Variants in SLC22A13 observed in about 807,000 individuals in gnomAD.
The protein encoded by SLC22A13 is solute carrier family 22 member 13.
SLC22A13 carries 42 observed loss-of-function variants against 49.1 expected under a neutral mutation model. The ratio of observed to expected loss-of-function variants is 0.85; its 90% CI spans 0.67 to 1.11. The LOEUF (loss-of-function observed/expected upper bound fraction) is 1.11, where lower values mean the gene tolerates loss of function less well. Among genes scored for constraint, SLC22A13 ranks in the 50% least tolerant of loss-of-function variants. SLC22A13 has a pLI of 0.00. For synonymous variants in SLC22A13, 282 were observed against 293.1 expected (o/e 0.96, Z 0.39); for missense variants, 694 against 712.8 (o/e 0.97, Z 0.30).
intron 3 of SLC22A13, 96 bp from the exon 4 acceptor site, chr3:38,274,878 CTGGTGCTTCCTGTGT>C (rs1215121903): frequency 5.8e-6 from 9 of 1,547,734 alleles, no homozygotes; most frequent in Non-Finnish European, 7.9e-6. Flanking sequence ...AGTGGTCGCA[CTGGTGCTTCCTGTGT>C]TGGCACTGAG....
At position 38,275,134 on chromosome 3, in the gene SLC22A13, C is replaced by A. The variant is rs1197668641; in HGVS notation, c.783C>A (p.Gly261=). 1.2e-6 allele frequency: 2 copies of A among 1,614,090 alleles called. No individual in the cohort carries two copies. Among genetic ancestry groups the A allele is most frequent in the African/African-American group, 2.7e-5 (2 of 74,940 alleles). ...TTCAGATCACCGGCACTGCGCCTGG[C>A]TTACTGCTCTTCTTCTACTTCTGGT... ...RLLQITGTAP[G]LLLFFYFWAL... Residue 261 remains glycine (G), a synonymous_variant, in exon 4 of 10, where the codon GGC becomes GGA. Coordinates refer to ENST00000311856, the MANE Select transcript of SLC22A13 (RefSeq NM_004256.4).
intron 1 of SLC22A13, among the ~76,000 whole-genome samples, chr3:38,267,215 G>C (rs1703472051): frequency 6.6e-6 from 1 of 152,192 alleles, no homozygotes. Context: ...GTTAACCAAA[G>C]CTTAACTTTC....
chr3:38,272,767 A>G (rs1575390451), intron 1 of SLC22A13, among the ~76,000 whole-genome samples: 1 of 152,234 alleles, frequency 6.6e-6, no homozygotes. Context: ...TGGACTGGTT[A>G]ATTTCTTGCT....
Position 38,276,105 on chromosome 3 carries a change from G to A in SLC22A13, c.1237+9G>A, listed in dbSNP as rs1703580503. ...CATCTTCATCCCAGCAGGTATCAGG[G>A]CTGGCTATCCCTCACCCGCATGCCC... On this transcript the variant is annotated intron_variant, in intron 7 of 9. Coordinates refer to ENST00000311856, the MANE Select transcript of SLC22A13 (RefSeq NM_004256.4). 6.2e-7 allele frequency: 1 copy of A among 1,610,428 alleles called. No individual in the cohort carries two copies. The highest frequency in any genetic ancestry group is 8.5e-7 in the Non-Finnish European group (1 of 1,177,670).
chr3:38,274,802 C>T, intron 3 of SLC22A13, 44 bp downstream of exon 3: 1 of 1,583,666 alleles, frequency 6.3e-7, no homozygotes, highest in Admixed American at 1.8e-5. Flanking sequence ...GGGTGAGGCC[C>T]AGGGGCCTGG....
rs201339768 is a variant in SLC22A13 at position 38,275,878 on chromosome 3, G to T, written c.1023-4G>T. 3.1e-6 allele frequency: 5 copies of T among 1,613,534 alleles called. No homozygotes were observed. The highest frequency in any genetic ancestry group is 4.2e-6 in the Non-Finnish European group (5 of 1,179,588). On this transcript the variant is annotated splice_region_variant and splice_polypyrimidine_tract_variant and intron_variant, in intron 6 of 9. Coordinates refer to ENST00000311856, the MANE Select transcript of SLC22A13 (RefSeq NM_004256.4). ...AGTGACAGGAACCCTTCATTACCTTGTAGGTTTGTGGACAGTCTGGGGTAC... is the reference window on the plus strand; with the variant it reads ...AGTGACAGGAACCCTTCATTACCTTTTAGGTTTGTGGACAGTCTGGGGTAC...
chr3:38,270,419 A>G (rs949872672), intron 1 of SLC22A13: 6 of 216,438 alleles, frequency 2.8e-5, no homozygotes, highest in Non-Finnish European at 5.0e-5. Context: ...ATTCTCTGAG[A>G]TGAATTTGGG....
intron 1 of SLC22A13, among the ~76,000 whole-genome samples, chr3:38,269,922 G>A (rs972255848): frequency 3.1e-5 from 4 of 130,678 alleles, no homozygotes; most frequent in African/African-American, 1.2e-4. Context: ...CTGTGTCCAT[G>A]TGTTCTCATT....
Position 38,266,032 on chromosome 3 carries a change from C to G in SLC22A13, c.172C>G (p.His58Asp). The change falls in exon 1 of 10, where the codon CAC becomes GAC. Residue 58 changes from histidine (H) to aspartate (D), a missense_variant. Transcript: ENST00000311856. Reference protein sequence around the residue: ...HHCAVAWVKNHTFNLSAAEQL... With the variant: ...HHCAVAWVKNDTFNLSAAEQL... Reference sequence around the variant, plus strand: ...CTGTGCAGTGGCTTGGGTGAAGAACCACACTTTCAACCTGAGTGCTGCTGA... The same window carrying G: ...CTGTGCAGTGGCTTGGGTGAAGAACGACACTTTCAACCTGAGTGCTGCTGA... The G allele has an allele frequency of 6.2e-7, 1 of 1,614,164 alleles. No homozygotes were observed. Among genetic ancestry groups the G allele is most frequent in the Non-Finnish European group, 8.5e-7 (1 of 1,180,018 alleles).
At position 38,277,113 on chromosome 3, in the gene SLC22A13, G is replaced by T; in HGVS notation, c.1548G>T (p.Leu516=). The T allele has an allele frequency of 6.4e-7, 1 of 1,563,480 alleles. No individual in the cohort carries two copies. The change falls in exon 9 of 10, where the codon CTG becomes CTT. Residue 516 remains leucine (L), a synonymous_variant. Coordinates refer to ENST00000311856, the MANE Select transcript of SLC22A13 (RefSeq NM_004256.4). ...AAGACACCCTCCAGGACCTGGAGCT[G>T]GGGCCTCACCCACGGTGAGCTGCTT... The part of the protein sequence containing the change: ...GLKDTLQDLE[L]GPHPRSPKSV...
At chr3:38,274,517 C>T in intron 2 of SLC22A13, 87 bp from the exon 3 acceptor site, 1 of 1,515,678 alleles carries the variant, frequency 6.6e-7, no homozygotes. Flanking sequence ...GACAGAGACC[C>T]CAGGACAGGG....
intron 1 of SLC22A13, among the ~76,000 whole-genome samples, chr3:38,272,699 G>A (rs1703534658): frequency 6.6e-6 from 1 of 152,234 alleles, no homozygotes; most frequent in Non-Finnish European, 1.5e-5. Flanking sequence ...CATGTTGAAA[G>A]TTCTTGAAAA....
chr3:38,269,855 A>T (rs1459823012), intron 1 of SLC22A13, among the ~76,000 whole-genome samples: 2 of 140,544 alleles, frequency 1.4e-5, no homozygotes, highest in African/African-American at 2.6e-5. Context: ...TCCTACAGCT[A>T]TCCCCTCCCC....
At chr3:38,267,888 C>T (rs764403940) in intron 1 of SLC22A13, among the ~76,000 whole-genome samples, 13 of 152,032 alleles carry the variant, frequency 8.6e-5, no homozygotes, top group Non-Finnish European at 1.8e-4. Flanking sequence ...ATAAGAATAG[C>T]ACAGGAAAGG....
rs777713257 is a variant in SLC22A13, at chr3:38,276,267, G to A, written c.1238-20G>A. 1.6e-5 allele frequency: 25 copies of A among 1,598,082 alleles called. No homozygotes were observed. The highest frequency in any genetic ancestry group is 1.4e-5 in the Non-Finnish European group (16 of 1,168,912). ...ACCGGCGTCAGGGCCCAGGTGATGG[G>A]GCTGTCTACCCTCTGCCAGATCTGC... On this transcript the variant is annotated intron_variant, in intron 7 of 9. Coordinates refer to ENST00000311856, the MANE Select transcript of SLC22A13 (RefSeq NM_004256.4).
intron 1 of SLC22A13, among the ~76,000 whole-genome samples, chr3:38,268,369 A>G (rs1703484598): frequency 6.6e-6 from 1 of 152,188 alleles, no homozygotes; most frequent in South Asian, 2.1e-4. Flanking sequence ...GCAGACCTCC[A>G]TAACTTGAAA....
At chr3:38,276,142 G>A (rs777226518) in intron 7 of SLC22A13, 46 bp downstream of exon 7, 8 of 1,549,688 alleles carry the variant, frequency 5.2e-6, no homozygotes, top group Middle Eastern at 1.8e-4. Context: ...CTCACCCACC[G>A]GCTGCCAGGG....
chr3:38,276,990 G>A lies in SLC22A13; in HGVS notation c.1425G>A (p.Glu475=), dbSNP rs374399807. The change falls in exon 9 of 10, where the codon GAG becomes GAA. Residue 475 remains glutamate (E), a synonymous_variant. Transcript: ENST00000311856. ...CACCACTTGTGATCCTGCTGGGAGA[G>A]TACCACGCTGCCCTCCCCATGCTCA... The part of the protein sequence containing the change: ...ILTPLVILLG[E]YHAALPMLIY... 2.5e-6 allele frequency: 4 copies of A among 1,612,826 alleles called. No individual in the cohort carries two copies. In the East Asian group the frequency reaches 8.9e-5, roughly 36 times the overall value.
At position 38,276,153 on chromosome 3, in the gene SLC22A13, G is replaced by T; in HGVS notation, c.1237+57G>T. 2.6e-6 allele frequency: 4 copies of T among 1,540,078 alleles called. No individual in the cohort carries two copies. The Admixed American group carries it at 5.2e-5, about 20-fold the overall frequency. On this transcript the variant is annotated intron_variant, in intron 7 of 9. Transcript: ENST00000311856. ...CCCCCTCACCCACCGGCTGCCAGGG[G>T]CTAGACCAGTGGCCATTGTTCTGCT...
Sources: allele counts gnomAD v4.1 joint callset (sites outside exome capture counted in the v4.1 genomes callset), GRCh38; gene constraint gnomAD v4.1.1; transcripts MANE v1.5; gene names NCBI Gene and HGNC (gene_info 2026-07-23, HGNC 2026-07-21).